Variants in EBF3 observed in about 807,000 individuals in gnomAD.
EBF3 encodes transcription factor COE3.
EBF3 carries 18 observed loss-of-function variants against 77.1 expected under a neutral mutation model. The observed-to-expected ratio is 0.23, with a 90% CI of 0.16 to 0.35. The LOEUF (loss-of-function observed/expected upper bound fraction) is 0.35. Ranked by LOEUF, EBF3 falls within the 10% of genes least tolerant of loss-of-function variation. The pLI is 1.00. For missense variants in EBF3, 558 were observed against 860.0 expected, an observed-to-expected ratio of 0.65 and a Z score of 4.39; for synonymous variants, 350 against 343.5, an observed-to-expected ratio of 1.02 and a Z score of -0.21.
chr10:129,963,783 G>A lies in EBF3; in HGVS notation c.-15C>T, dbSNP rs1195466941. The A allele has an allele frequency of 2.0e-6, 3 of 1,500,010 alleles. No homozygotes were observed. In the Admixed American group the frequency reaches 5.7e-5, roughly 28 times the overall value. The allele number at this position is 1,500,010 out of a possible 1,614,324, so 92.9% of individuals were successfully genotyped here. On this transcript the variant is annotated 5_prime_UTR_variant, in exon 1 of 17. Coordinates refer to ENST00000440978, the MANE Select transcript of EBF3 (RefSeq NM_001375380.1). The surrounding 1 kb of genome is among the most constrained non-coding windows in gnomAD (Gnocchi z 7.1). ...ATCCCAAACATGAAAACTGCTGGCG[G>A]CGGCCGCAGCTCCCGGCCGAAAGCG...
At chr10:129,869,806 T>C (rs1852287908) in intron 8 of EBF3, among the ~76,000 whole-genome samples, 1 of 152,204 alleles carries the variant, frequency 6.6e-6, no homozygotes, top group Non-Finnish European at 1.5e-5. Flanking sequence ...GAACCTGCCC[T>C]TAACTAGCGC....
At chr10:129,843,028 G>T in intron 12 of EBF3, 109 bp downstream of exon 12, 2 of 1,064,772 alleles carry the variant, frequency 1.9e-6, no homozygotes, top group Non-Finnish European at 2.8e-6. Context: ...CTGTGGAGTC[G>T]CTGGAAAAGC....
chr10:129,867,631 A>G (rs1440650223), intron 9 of EBF3, 151 bp downstream of exon 9: 23 of 1,365,714 alleles, frequency 1.7e-5, no homozygotes, highest in African/African-American at 2.9e-5. Flanking sequence ...GTAGCCACCC[A>G]CGGGAGAAGC....
intron 6 of EBF3, among the ~76,000 whole-genome samples, chr10:129,925,518 G>A (rs1412350402): frequency 6.6e-6 from 1 of 151,478 alleles, no homozygotes; most frequent in Non-Finnish European, 1.5e-5. Flanking sequence ...CTTGGACCCG[G>A]GAGGCAGAGG....
Position 129,836,448 on chromosome 10 carries a change from C to G in EBF3, c.*1495G>C, listed in dbSNP as rs1470528739. The G allele has an allele frequency of 6.6e-6, 1 of 152,594 alleles. No homozygotes were observed. The highest frequency in any genetic ancestry group is 2.4e-5 in the African/African-American group (1 of 41,432). The allele number at this position is 152,594 out of a possible 1,614,324, so 9.5% of individuals were successfully genotyped here. The stretch of plus-strand genomic sequence containing the variant: ...AAACGGTGTCACCTCTTCGCGGCCG[C>G]TCCACATGCACAGAATCTACTAGGA... On this transcript the variant is annotated 3_prime_UTR_variant, in exon 17 of 17. Transcript: ENST00000440978.
intron 6 of EBF3, among the ~76,000 whole-genome samples, chr10:129,920,607 G>A (rs1469447597): frequency 6.6e-6 from 1 of 152,230 alleles, no homozygotes; most frequent in Non-Finnish European, 1.5e-5. Flanking sequence ...TTTTATAGAA[G>A]AAAAAGGAAC....
chr10:129,886,259 C>T (rs1385049599), intron 6 of EBF3, among the ~76,000 whole-genome samples: 1 of 152,088 alleles, frequency 6.6e-6, no homozygotes, highest in Non-Finnish European at 1.5e-5. Flanking sequence ...GGCTCTCTAG[C>T]CTTTTAGGTC....
chr10:129,873,339 G>T, intron 8 of EBF3, 113 bp downstream of exon 8: 3 of 1,261,454 alleles, frequency 2.4e-6, no homozygotes, highest in South Asian at 2.9e-5. Context: ...GGTGCAGGAG[G>T]TCTGACCAAG....
At chr10:129,953,389 A>G (rs1173766844) in intron 6 of EBF3, among the ~76,000 whole-genome samples, 1 of 152,044 alleles carries the variant, frequency 6.6e-6, no homozygotes, top group Non-Finnish European at 1.5e-5. Flanking sequence ...ACAAAACTTC[A>G]TCCTCCCCCC....
At chr10:129,905,526 T>C (rs1202653138) in intron 6 of EBF3, among the ~76,000 whole-genome samples, 1 of 152,074 alleles carries the variant, frequency 6.6e-6, no homozygotes, top group African/African-American at 2.4e-5. Context: ...TTGCACACTG[T>C]TCACTGGCCA....
intron 6 of EBF3, among the ~76,000 whole-genome samples, chr10:129,953,579 C>T (rs968830849): frequency 1.3e-5 from 2 of 152,208 alleles, no homozygotes; most frequent in African/African-American, 4.8e-5. Flanking sequence ...GAGATGCCAG[C>T]GAGTGGGACG....
chr10:129,900,317 A>G (rs994084723), intron 6 of EBF3, among the ~76,000 whole-genome samples: 4 of 152,202 alleles, frequency 2.6e-5, no homozygotes, highest in African/African-American at 9.7e-5. Flanking sequence ...AGGATAACTG[A>G]GCAGCCATCA....
chr10:129,958,157 T>TA (rs1460125595), intron 5 of EBF3, among the ~76,000 whole-genome samples: 18 of 152,362 alleles, frequency 1.2e-4, no homozygotes, highest in Admixed American at 8.5e-4. Flanking sequence ...TCAGCTTTTG[T>TA]ATATTAGTGC....
At chr10:129,962,065 T>C (rs377743057) in intron 4 of EBF3, 106 bp downstream of exon 4, 4 of 1,062,426 alleles carry the variant, frequency 3.8e-6, no homozygotes. Context: ...GGAAACTCAA[T>C]GGAAAACAAA....
Position 129,935,526 on chromosome 10 carries a change from G to A in EBF3, c.554+21732C>T, listed in dbSNP as rs1354915026. Among the ~76,000 whole-genome samples, 4 of 152,190 alleles carry A rather than the reference G, an allele frequency of 2.6e-5. No individual in the cohort carries two copies. Among genetic ancestry groups the A allele is most frequent in the Non-Finnish European group, 5.9e-5 (4 of 68,038 alleles). ...CTAAGAACAAGCCTCCCAACTCAGC[G>A]CCAACTGCGGAGCACCAAGCACCCA... On this transcript the variant is annotated intron_variant, in intron 6 of 16. Coordinates refer to ENST00000440978, the MANE Select transcript of EBF3 (RefSeq NM_001375380.1). The surrounding 1 kb of genome is among the most constrained non-coding windows in gnomAD (Gnocchi z 4.2).
chr10:129,880,249 GGTCAA>G lies in EBF3; in HGVS notation c.555-2405_555-2401del, dbSNP rs148685410. ...CCAGAAACATACTGAGCATACCCAG[GGTCAA>G]GTCAAGCAGGTGCAGATACACACCT... On this transcript the variant is annotated intron_variant, in intron 6 of 16. Coordinates refer to ENST00000440978, the MANE Select transcript of EBF3 (RefSeq NM_001375380.1). 8.6e-5 allele frequency among the ~76,000 whole-genome samples: 13 copies of G among 152,028 alleles called. No individual in the cohort carries two copies. The East Asian group carries it at 2.5e-3, about 29-fold the overall frequency.
At chr10:129,876,059 T>C (rs1446505808) in intron 7 of EBF3, among the ~76,000 whole-genome samples, 1 of 152,246 alleles carries the variant, frequency 6.6e-6, no homozygotes, top group African/African-American at 2.4e-5. Flanking sequence ...ACACAGGCTT[T>C]GCAGTCATCT....
chr10:129,954,976 G>A (rs538524973), intron 6 of EBF3, among the ~76,000 whole-genome samples: 3 of 152,030 alleles, frequency 2.0e-5, no homozygotes, highest in East Asian at 1.9e-4. Flanking sequence ...TGCAAAAGAC[G>A]GTGTCAGTCT....
At position 129,867,925 on chromosome 10, in the gene EBF3, G is replaced by C; in HGVS notation, c.782-13C>G. 6.2e-7 allele frequency: 1 copy of C among 1,613,466 alleles called. No homozygotes were observed. Among genetic ancestry groups the C allele is most frequent in the Non-Finnish European group, 8.5e-7 (1 of 1,179,652 alleles). On this transcript the variant is annotated splice_polypyrimidine_tract_variant and intron_variant, in intron 8 of 16. Coordinates refer to ENST00000440978, the MANE Select transcript of EBF3 (RefSeq NM_001375380.1). Reference sequence around the variant, plus strand: ...ATGCACGGAGTGGCTGCTCACACAAGACAGAGAAGGCAGACCTTAGAGCCC... The same window carrying C: ...ATGCACGGAGTGGCTGCTCACACAACACAGAGAAGGCAGACCTTAGAGCCC...
Sources: allele counts gnomAD v4.1 joint callset (sites outside exome capture counted in the v4.1 genomes callset), GRCh38; gene constraint gnomAD v4.1.1; non-coding constraint Gnocchi (gnomAD v3.1); transcripts MANE v1.5; gene names NCBI Gene and HGNC (gene_info 2026-07-23, HGNC 2026-07-21).